Variants in RANBP2 observed in about 807,000 individuals in gnomAD.
The protein encoded by RANBP2 is RAN binding protein 2, also known as E3 SUMO-protein ligase RanBP2.
A neutral mutation model predicts 303.6 loss-of-function variants in RANBP2; 57 were observed. That is an observed-to-expected ratio of 0.19 (90% CI 0.15 to 0.23). RANBP2 has a LOEUF of 0.23. Ranked by LOEUF, RANBP2 falls within the 10% of genes least tolerant of loss-of-function variation. The pLI, the probability that RANBP2 is intolerant of heterozygous loss-of-function variation, is 1.00. For missense variants in RANBP2, 3,138 were observed against 3,780.8 expected, an observed-to-expected ratio of 0.83 and a Z score of 4.46; for synonymous variants, 1,167 against 1,301.5, an observed-to-expected ratio of 0.90 and a Z score of 2.23.
the RANBP2 span, among the ~76,000 whole-genome samples, chr2:108,988,389 G>C: frequency 6.6e-6 from 1 of 152,102 alleles, no homozygotes; most frequent in Admixed American, 6.5e-5. Flanking sequence ...CTCTTGGCTG[G>C]AAATGAAAAC....
the RANBP2 span, among the ~76,000 whole-genome samples, chr2:108,860,431 T>C: frequency 1.3e-5 from 2 of 152,100 alleles, no homozygotes; most frequent in Non-Finnish European, 2.9e-5. Context: ...GGAAACCCTT[T>C]CAACTTTTCC....
At chr2:109,502,191 C>T in the RANBP2 span, 4 of 149,350 alleles carry the variant, frequency 2.7e-5, no homozygotes, top group Admixed American at 6.7e-5. Flanking sequence ...TTGTGAGGCC[C>T]TGGGGGTGCC....
chr2:108,977,134 C>T, the RANBP2 span, among the ~76,000 whole-genome samples: 3 of 152,176 alleles, frequency 2.0e-5, no homozygotes, highest in Non-Finnish European at 2.9e-5. Context: ...CCCACTGGCC[C>T]GGGCCTGGGT....
the RANBP2 span, among the ~76,000 whole-genome samples, chr2:109,714,586 C>T: frequency 6.6e-6 from 1 of 151,732 alleles, no homozygotes; most frequent in Non-Finnish European, 1.5e-5. Flanking sequence ...AGACGTGAGC[C>T]ACTGTGCCCG....
At chr2:108,763,171 G>C (rs1676857461) in intron 19 of RANBP2, 66 bp from the exon 20 acceptor site, 1 of 1,534,726 alleles carries the variant, frequency 6.5e-7, no homozygotes, top group African/African-American at 1.4e-5. Context: ...GTGAGAATTG[G>C]TTTGCATTTA....
the RANBP2 span, among the ~76,000 whole-genome samples, chr2:109,026,112 T>C: frequency 4.6e-5 from 7 of 152,120 alleles, no homozygotes; most frequent in African/African-American, 1.7e-4. Flanking sequence ...ATCCAGTGCA[T>C]GGAAGACAGC....
the RANBP2 span, among the ~76,000 whole-genome samples, chr2:109,427,797 G>A: frequency 2.0e-5 from 3 of 152,218 alleles, no homozygotes; most frequent in Admixed American, 6.5e-5. Flanking sequence ...AGGGAGAACC[G>A]AGCAGTTTCT....
intron 17 of RANBP2, among the ~76,000 whole-genome samples, chr2:108,757,646 C>T (rs929104321): frequency 3.3e-5 from 5 of 152,046 alleles, no homozygotes; most frequent in South Asian, 2.1e-4. Flanking sequence ...GGGGAGGTAA[C>T]GCGGAATGTC....
chr2:108,766,318 A>G lies in RANBP2; in HGVS notation c.5779A>G (p.Ile1927Val), dbSNP rs1677116300. 1 of 1,612,046 alleles carries G rather than the reference A, an allele frequency of 6.2e-7. No homozygotes were observed. Among genetic ancestry groups the G allele is most frequent in the Non-Finnish European group, 8.5e-7 (1 of 1,179,878 alleles). ...ENGTGFQAQD[I>V]SGQKNGRGVI... ...TGGTACTGGCTTCCAGGCTCAGGATATTAGTGGCCAGAAGAATGGCCGTGG... is the reference window on the plus strand; with the variant it reads ...TGGTACTGGCTTCCAGGCTCAGGATGTTAGTGGCCAGAAGAATGGCCGTGG... The change falls in exon 20 of 29, where the codon ATT becomes GTT. Residue 1927 changes from isoleucine (I) to valine (V), a missense_variant. Coordinates refer to ENST00000283195, the MANE Select transcript of RANBP2 (RefSeq NM_006267.5).
At chr2:109,159,797 AG>A in the RANBP2 span, among the ~76,000 whole-genome samples, 3 of 152,204 alleles carry the variant, frequency 2.0e-5, no homozygotes, top group Admixed American at 2.0e-4. Context: ...CGGGGGATTT[AG>A]GTTTCACACT....
the RANBP2 span, chr2:109,504,421 A>T: frequency 1.4e-4 from 21 of 152,394 alleles, no homozygotes; most frequent in African/African-American, 4.3e-4. Context: ...TGGCATCCTC[A>T]TGGGGTGATG....
intron 25 of RANBP2, among the ~76,000 whole-genome samples, chr2:108,780,699 TTTTC>T (rs751595084): frequency 5.4e-4 from 82 of 151,072 alleles, no homozygotes; most frequent in Non-Finnish European, 9.3e-4. Context: ...CCGGCTTTTC[TTTTC>T]TTTCTTTCTT....
the RANBP2 span, chr2:109,398,763 G>A: frequency 1.2e-6 from 2 of 1,613,692 alleles, no homozygotes; most frequent in South Asian, 2.2e-5. Flanking sequence ...TGGATGGCAA[G>A]AAGAACACCA....
the RANBP2 span, among the ~76,000 whole-genome samples, chr2:109,192,584 C>T: frequency 2.4e-4 from 36 of 152,124 alleles, no homozygotes; most frequent in South Asian, 1.2e-3. Flanking sequence ...TGTCTTGAAA[C>T]GGCATGGAAT....
the RANBP2 span, among the ~76,000 whole-genome samples, chr2:109,282,670 T>G: frequency 1.3e-5 from 2 of 152,316 alleles, no homozygotes; most frequent in South Asian, 2.1e-4. Flanking sequence ...CTTGGAGCAC[T>G]TCACTTAAAG....
chr2:109,040,972 C>T, the RANBP2 span, among the ~76,000 whole-genome samples: 1 of 152,148 alleles, frequency 6.6e-6, no homozygotes, highest in Non-Finnish European at 1.5e-5. Flanking sequence ...AGGAGAATGG[C>T]GTGGACCCAG....
chr2:109,013,077 TGCAGAATTCCA>T, the RANBP2 span, among the ~76,000 whole-genome samples: 3 of 152,236 alleles, frequency 2.0e-5, no homozygotes, highest in Admixed American at 6.5e-5. Flanking sequence ...TTTAAGATTT[TGCAGAATTCCA>T]GCCAAGGAGC....
chr2:108,812,850 T>C, the RANBP2 span: 1 of 1,613,396 alleles, frequency 6.2e-7, no homozygotes, highest in Non-Finnish European at 8.5e-7. Context: ...AATACAGAGA[T>C]TGAAAGGAAG....
At chr2:109,423,502 C>G in the RANBP2 span, among the ~76,000 whole-genome samples, 1 of 152,216 alleles carries the variant, frequency 6.6e-6, no homozygotes, top group Non-Finnish European at 1.5e-5. Flanking sequence ...CAACACAAGA[C>G]AGGGGCACCT....
Sources: allele counts gnomAD v4.1 joint callset (sites outside exome capture counted in the v4.1 genomes callset), GRCh38; gene constraint gnomAD v4.1.1; transcripts MANE v1.5; gene names NCBI Gene and HGNC (gene_info 2026-07-23, HGNC 2026-07-21).